Variants in SHQ1 observed in about 807,000 individuals in gnomAD.
SHQ1 encodes SHQ1, H/ACA ribonucleoprotein assembly factor.
Under a neutral mutation model 53.8 loss-of-function variants are expected in SHQ1, and 49 were observed. That is an observed-to-expected ratio of 0.91 (90% CI 0.72 to 1.16). The LOEUF is 1.16. SHQ1 is among the 50% of genes most tolerant of loss of function. SHQ1 has a pLI of 0.00. For missense variants in SHQ1, 738 were observed against 683.1 expected (o/e 1.08, Z -0.90); for synonymous variants, 243 against 251.0 (o/e 0.97, Z 0.30).
At chr3:72,841,988 C>T (rs763487132) in intron 3 of SHQ1, among the ~76,000 whole-genome samples, 6 of 152,162 alleles carry the variant, frequency 3.9e-5, no homozygotes, top group Non-Finnish European at 7.3e-5. Context: ...CCCTGTTTTA[C>T]GTAACTCACT....
chr3:72,779,604 T>C lies in SHQ1; in HGVS notation c.1181+13312A>G, dbSNP rs557745293. Reference sequence around the variant, plus strand: ...TTGGCAGGCCCCTGGCAGAGAACCCTGCACACAGTAGGAACTCATAAACTA... The same window carrying C: ...TTGGCAGGCCCCTGGCAGAGAACCCCGCACACAGTAGGAACTCATAAACTA... On this transcript the variant is annotated intron_variant, in intron 10 of 10. Coordinates refer to ENST00000325599, the MANE Select transcript of SHQ1 (RefSeq NM_018130.3). Among the ~76,000 whole-genome samples the C allele has an allele frequency of 2.6e-5, 4 of 152,334 alleles. No homozygotes were observed. The East Asian group carries it at 7.7e-4, about 29-fold the overall frequency.
chr3:72,736,850 G>C, the SHQ1 span, among the ~76,000 whole-genome samples: 2 of 150,404 alleles, frequency 1.3e-5, no homozygotes, highest in Non-Finnish European at 3.0e-5. Flanking sequence ...TACAAAAACA[G>C]GCAGTGGGAT....
At chr3:72,772,838 T>C (rs757072691) in intron 10 of SHQ1, 64 of 770,608 alleles carry the variant, frequency 8.3e-5, no homozygotes, top group Non-Finnish European at 1.4e-4. Flanking sequence ...AATGAGCCTA[T>C]ATCTAAAGTT....
chr3:72,789,263 A>G (rs1706360867), intron 10 of SHQ1, among the ~76,000 whole-genome samples: 1 of 152,240 alleles, frequency 6.6e-6, no homozygotes, highest in Non-Finnish European at 1.5e-5. Context: ...ATTATTTTCT[A>G]TCCCACCTTA....
At chr3:72,837,813 TA>T (rs754970077) in intron 4 of SHQ1, among the ~76,000 whole-genome samples, 1 of 152,264 alleles carries the variant, frequency 6.6e-6, no homozygotes. Context: ...ACGGCTGCCA[TA>T]AACAGCAGCT....
chr3:72,817,154 C>G, intron 7 of SHQ1, 76 bp downstream of exon 7: 15 of 1,484,770 alleles, frequency 1.0e-5, no homozygotes, highest in Non-Finnish European at 1.4e-5. Flanking sequence ...CTACTCTAGA[C>G]AAGAAAGACT....
chr3:72,765,555 A>ATTTTTTTTT (rs1171352955), intron 10 of SHQ1, among the ~76,000 whole-genome samples: 2 of 71,768 alleles, frequency 2.8e-5, no homozygotes, highest in African/African-American at 1.3e-4. Flanking sequence ...ATATATATAT[A>ATTTTTTTTT]TATTTTTTTT....
At chr3:72,812,194 T>C (rs1018438437) in intron 9 of SHQ1, among the ~76,000 whole-genome samples, 13 of 152,232 alleles carry the variant, frequency 8.5e-5, no homozygotes, top group African/African-American at 3.1e-4. Flanking sequence ...CTAGGTTACA[T>C]GTCCCCTCCT....
intron 4 of SHQ1, among the ~76,000 whole-genome samples, chr3:72,834,825 G>A (rs956770817): frequency 5.3e-5 from 8 of 152,128 alleles, no homozygotes; most frequent in African/African-American, 1.7e-4. Context: ...CTTTCTTACT[G>A]TCAAGTCCAG....
intron 4 of SHQ1, among the ~76,000 whole-genome samples, chr3:72,835,712 C>T (rs555830930): frequency 5.9e-5 from 9 of 152,316 alleles, no homozygotes; most frequent in Admixed American, 1.3e-4. Context: ...GGCTCAAATA[C>T]GCTCAAGCCA....
At chr3:72,780,931 G>A (rs1352642436) in intron 10 of SHQ1, among the ~76,000 whole-genome samples, 1 of 152,100 alleles carries the variant, frequency 6.6e-6, no homozygotes, top group African/African-American at 2.4e-5. Context: ...AGCCTTCTGA[G>A]TAACTGGGAT....
chr3:72,846,256 G>A (rs1285319372), intron 1 of SHQ1: 4 of 1,535,368 alleles, frequency 2.6e-6, no homozygotes, highest in East Asian at 4.9e-5. Flanking sequence ...TCAAGGAGAG[G>A]GACCAGGTTT....
At chr3:72,765,473 G>A (rs1400305827) in intron 10 of SHQ1, among the ~76,000 whole-genome samples, 1 of 143,890 alleles carries the variant, frequency 6.9e-6, no homozygotes, top group South Asian at 2.2e-4. Flanking sequence ...CGCCCAGGCT[G>A]GAATGCAGTG....
At chr3:72,821,848 T>C (rs552442206) in intron 6 of SHQ1, among the ~76,000 whole-genome samples, 5 of 152,342 alleles carry the variant, frequency 3.3e-5, no homozygotes, top group African/African-American at 4.8e-5. Flanking sequence ...CACACTTCAA[T>C]TTATTCCTCC....
At chr3:72,847,045 A>T (rs1157321628) in intron 1 of SHQ1, among the ~76,000 whole-genome samples, 5 of 152,078 alleles carry the variant, frequency 3.3e-5, no homozygotes, top group Non-Finnish European at 7.4e-5. Flanking sequence ...CACTCACCAC[A>T]ATTAAGTACA....
At chr3:72,823,144 G>A (rs1218316032) in intron 6 of SHQ1, among the ~76,000 whole-genome samples, 6 of 118,242 alleles carry the variant, frequency 5.1e-5, no homozygotes, top group Non-Finnish European at 6.7e-5. Flanking sequence ...GCAAGACTCC[G>A]TCTCAAAAAA....
At chr3:72,751,529 T>TATATATATATATATAC (rs1491584090) in intron 10 of SHQ1, among the ~76,000 whole-genome samples, 5 of 137,984 alleles carry the variant, frequency 3.6e-5, no homozygotes, top group Admixed American at 2.1e-4. Flanking sequence ...TATATATATA[T>TATATATATATATATAC]ACATATACAT....
chr3:72,772,871 T>C, intron 10 of SHQ1: 1 of 780,494 alleles, frequency 1.3e-6, no homozygotes, highest in Non-Finnish European at 2.4e-6. Flanking sequence ...TGGGAAGCTG[T>C]GGACAAATCT....
At chr3:72,732,738 T>C in the SHQ1 span, among the ~76,000 whole-genome samples, 29,521 of 149,732 alleles carry the variant, frequency 0.2, 56 homozygotes, top group Non-Finnish European at 0.22. Context: ...GATAGACATA[T>C]AGAGCCAAGA....
Sources: allele counts gnomAD v4.1 joint callset (sites outside exome capture counted in the v4.1 genomes callset), GRCh38; gene constraint gnomAD v4.1.1; transcripts MANE v1.5; gene names NCBI Gene and HGNC (gene_info 2026-07-23, HGNC 2026-07-21).